NRG1: variants seen among roughly 807,000 people sequenced by gnomAD.
NRG1 encodes pro-neuregulin-1, membrane-bound isoform.
A neutral mutation model predicts 63.8 loss-of-function variants in NRG1; 18 were observed. That is an observed-to-expected ratio of 0.28 (90% CI 0.19 to 0.42). The LOEUF (loss-of-function observed/expected upper bound fraction) is 0.42. Among genes scored for constraint, NRG1 ranks in the 10% least tolerant of loss-of-function variants. NRG1 has a pLI of 1.00. For missense variants in NRG1, 762 were observed against 814.7 expected, an observed-to-expected ratio of 0.94 and a Z score of 0.79; for synonymous variants, 302 against 301.3, an observed-to-expected ratio of 1.00 and a Z score of -0.02.
At chr8:31,723,662 A>C (rs990610687) in intron 1 of NRG1, among the ~76,000 whole-genome samples, 4 of 152,066 alleles carry the variant, frequency 2.6e-5, no homozygotes, top group Admixed American at 1.3e-4. Flanking sequence ...CTTATCATGC[A>C]TGAAATGATC....
intron 1 of NRG1, among the ~76,000 whole-genome samples, chr8:31,807,163 G>A (rs1437548173): frequency 6.6e-6 from 1 of 152,138 alleles, no homozygotes; most frequent in Non-Finnish European, 1.5e-5. Flanking sequence ...AGAACTAGAA[G>A]CTGCCTCTCA....
At chr8:32,306,531 G>A (rs561346720) in intron 1 of NRG1, among the ~76,000 whole-genome samples, 1 of 152,192 alleles carries the variant, frequency 6.6e-6, no homozygotes, top group Non-Finnish European at 1.5e-5. Flanking sequence ...GCTTTGTTGA[G>A]TCTGGACACT....
chr8:32,135,392 GTGTTGGTGAC>G (rs1256058275), intron 1 of NRG1, among the ~76,000 whole-genome samples: 4 of 152,186 alleles, frequency 2.6e-5, no homozygotes, highest in African/African-American at 7.2e-5. Context: ...CTTGTGGGAA[GTGTTGGTGAC>G]TGTTGGAGGG....
intron 1 of NRG1, among the ~76,000 whole-genome samples, chr8:31,793,011 A>G (rs1222503970): frequency 1.3e-5 from 2 of 152,206 alleles, no homozygotes; most frequent in Admixed American, 1.3e-4. Flanking sequence ...AACTATATTA[A>G]ATTTCAATAT....
upstream of NRG1, among the ~76,000 whole-genome samples, chr8:32,543,280 T>C (rs1031816975): frequency 2.0e-5 from 3 of 152,168 alleles, no homozygotes; most frequent in Non-Finnish European, 2.9e-5. Context: ...AACAGATGTA[T>C]ACACATGTAT....
chr8:31,664,003 T>C (rs1806274224), intron 1 of NRG1, among the ~76,000 whole-genome samples: 1 of 152,164 alleles, frequency 6.6e-6, no homozygotes, highest in Non-Finnish European at 1.5e-5. Context: ...GCGGTTTTCT[T>C]ATAGAATAAT....
intron 1 of NRG1, among the ~76,000 whole-genome samples, chr8:31,989,614 T>G (rs986162157): frequency 1.3e-5 from 2 of 152,132 alleles, no homozygotes; most frequent in African/African-American, 4.8e-5. Flanking sequence ...GAAGGAGATC[T>G]GGAACCTGAT....
At chr8:31,862,804 A>C (rs1308104010) in intron 1 of NRG1, among the ~76,000 whole-genome samples, 1 of 152,168 alleles carries the variant, frequency 6.6e-6, no homozygotes, top group Non-Finnish European at 1.5e-5. Context: ...TGTGGCCTTG[A>C]GGCAAGGGAA....
intron 5 of NRG1, among the ~76,000 whole-genome samples, chr8:32,673,762 A>T (rs917113938): frequency 5.9e-5 from 9 of 152,210 alleles, no homozygotes; most frequent in African/African-American, 2.2e-4. Context: ...CTAAAGACCC[A>T]TGAATTGTGC....
chr8:31,966,228 A>T (rs778002451), intron 1 of NRG1, among the ~76,000 whole-genome samples: 3 of 76,272 alleles, frequency 3.9e-5, no homozygotes, highest in Admixed American at 2.7e-4. Context: ...CTTATGGTCA[A>T]TCTTGTGTTT....
chr8:31,844,896 C>G (rs1207119412), intron 1 of NRG1, among the ~76,000 whole-genome samples: 1 of 151,728 alleles, frequency 6.6e-6, no homozygotes, highest in African/African-American at 2.4e-5. Context: ...ATCATGAGGT[C>G]AGAAGTTCAA....
intron 1 of NRG1, among the ~76,000 whole-genome samples, chr8:32,150,533 A>G (rs1384701900): frequency 2.0e-5 from 3 of 152,240 alleles, no homozygotes; most frequent in African/African-American, 7.2e-5. Context: ...AGGGCGTAGC[A>G]AGAGGCACTC....
rs371385603 is a variant in NRG1 at position 32,228,472 on chromosome 8, T to G, written c.38-367356T>G. 1.9e-4 allele frequency among the ~76,000 whole-genome samples: 29 copies of G among 152,274 alleles called. 1 individual carries two copies. Among genetic ancestry groups the G allele is most frequent in the African/African-American group, 6.5e-4 (27 of 41,534 alleles). ...ATAGTAGCGTGAGTATCTGGTTAGTTTCAGTATAAAAAAGATGATACCCAC... is the reference window on the plus strand; with the variant it reads ...ATAGTAGCGTGAGTATCTGGTTAGTGTCAGTATAAAAAAGATGATACCCAC... On this transcript the variant is annotated intron_variant, in intron 1 of 10. Coordinates refer to the NRG1 transcript ENST00000519301.
chr8:32,539,865 G>T (rs1169742733), intron 1 of NRG1, among the ~76,000 whole-genome samples: 1 of 152,158 alleles, frequency 6.6e-6, no homozygotes, highest in African/African-American at 2.4e-5. Flanking sequence ...CCAGGCAAAG[G>T]TTTTAAGATG....
chr8:32,224,730 T>G (rs891751141), intron 1 of NRG1, among the ~76,000 whole-genome samples: 18 of 152,342 alleles, frequency 1.2e-4, no homozygotes, highest in South Asian at 1.0e-3. Context: ...GACAGGATGA[T>G]GCAGCTGAAT....
At chr8:32,094,780 C>A (rs759057885) in intron 1 of NRG1, among the ~76,000 whole-genome samples, 2 of 151,886 alleles carry the variant, frequency 1.3e-5, no homozygotes, top group Non-Finnish European at 2.9e-5. Flanking sequence ...CTACCCTCCC[C>A]GCAAAAGTTT....
At chr8:32,356,431 A>G (rs557902100) in intron 1 of NRG1, among the ~76,000 whole-genome samples, 1 of 152,044 alleles carries the variant, frequency 6.6e-6, no homozygotes, top group South Asian at 2.1e-4. Flanking sequence ...GAAGGCATCA[A>G]AAGGGCTTAA....
rs184654892 is a variant in NRG1 at position 32,685,968 on chromosome 8, C to T, written c.503-41981C>T. Among the ~76,000 whole-genome samples, 114 of 152,256 alleles carry T rather than the reference C, an allele frequency of 7.5e-4. 2 individuals carry two copies. Among genetic ancestry groups the T allele is most frequent in the African/African-American group, 2.6e-3 (108 of 41,562 alleles). On this transcript the variant is annotated intron_variant, in intron 5 of 11. Transcript: ENST00000356819. ...TTTATAGTTTCTAATTTTTGGAATA[C>T]GTAGCTTTCTCTATAATTTTGATAC...
intron 1 of NRG1, among the ~76,000 whole-genome samples, chr8:32,071,012 A>G (rs1286532095): frequency 6.6e-6 from 1 of 151,962 alleles, no homozygotes; most frequent in Non-Finnish European, 1.5e-5. Context: ...ACACCTGCCG[A>G]TCTCTCTGCC....
Sources: gnomAD v4.1 joint callset for allele counts (sites outside exome capture counted in the v4.1 genomes callset) on GRCh38, gnomAD v4.1.1 for gene constraint, MANE v1.5 for transcripts, NCBI Gene and HGNC (gene_info 2026-07-23, HGNC 2026-07-21) for gene names.